The following SCARA5 variants were observed in gnomAD, a reference collection of about 807,000 sequenced individuals.
SCARA5 encodes scavenger receptor class A, member 5 (putative).
Under a neutral mutation model 46.3 loss-of-function variants are expected in SCARA5, and 45 were observed. The ratio of observed to expected loss-of-function variants is 0.97; its 90% confidence interval spans 0.76 to 1.24. SCARA5 has a LOEUF of 1.24. SCARA5 is among the 50% of genes most tolerant of loss of function. SCARA5 has a pLI of 0.00. For missense variants in SCARA5, 680 were observed against 689.0 expected (o/e 0.99, Z 0.15); for synonymous variants, 333 against 306.5 (o/e 1.09, Z -0.90).
rs182379550 is a variant in SCARA5 at position 27,879,552 on chromosome 8, C to T, written c.1351+17G>A. ...GCAGGCCCTCTCCTCATGTTTTTTGCCCTCAGAGCGCCTTACCTTGCCCGA... is the reference window on the plus strand; with the variant it reads ...GCAGGCCCTCTCCTCATGTTTTTTGTCCTCAGAGCGCCTTACCTTGCCCGA... On this transcript the variant is annotated intron_variant, in intron 8 of 8. Coordinates refer to ENST00000354914, the MANE Select transcript of SCARA5 (RefSeq NM_173833.6). 1.3e-4 allele frequency: 211 copies of T among 1,600,310 alleles called. 1 individual carries two copies. In the Admixed American group the frequency reaches 1.6e-3, roughly 12 times the overall value.
chr8:27,908,741 G>A (rs890264449), intron 5 of SCARA5, among the ~76,000 whole-genome samples: 1 of 152,030 alleles, frequency 6.6e-6, no homozygotes, highest in Non-Finnish European at 1.5e-5. Flanking sequence ...ATTCGCTAGG[G>A]CAGAAAATGC....
chr8:27,934,407 C>T (rs1240579077), intron 3 of SCARA5, among the ~76,000 whole-genome samples: 1 of 152,186 alleles, frequency 6.6e-6, no homozygotes, highest in African/African-American at 2.4e-5. Context: ...AAAACCAGAA[C>T]TTATAAAACT....
chr8:27,898,927 C>T (rs895093126), intron 7 of SCARA5, among the ~76,000 whole-genome samples: 2 of 152,218 alleles, frequency 1.3e-5, no homozygotes, highest in East Asian at 3.9e-4. Flanking sequence ...ACCTGGCGGG[C>T]GGCGTGCCCA....
intron 4 of SCARA5, among the ~76,000 whole-genome samples, chr8:27,919,371 C>T (rs979407024): frequency 6.6e-6 from 1 of 151,996 alleles, no homozygotes; most frequent in East Asian, 1.9e-4. Context: ...AGGGCAGTGA[C>T]GAGATGTGCC....
At chr8:27,891,831 G>A (rs1485454491) in intron 7 of SCARA5, among the ~76,000 whole-genome samples, 4 of 152,180 alleles carry the variant, frequency 2.6e-5, no homozygotes, top group Non-Finnish European at 5.9e-5. Context: ...TACACATCGA[G>A]GTGGCATTCA....
At chr8:27,882,950 C>T (rs1806834701) in intron 7 of SCARA5, among the ~76,000 whole-genome samples, 1 of 151,624 alleles carries the variant, frequency 6.6e-6, no homozygotes, top group African/African-American at 2.4e-5. Context: ...AGGCATTTCC[C>T]CAACTGCGAC....
chr8:27,991,682 C>T (rs893001289), intron 1 of SCARA5, among the ~76,000 whole-genome samples: 14 of 152,224 alleles, frequency 9.2e-5, no homozygotes, highest in African/African-American at 3.4e-4. Context: ...GAGTGTGGCC[C>T]TTCTCCAAAG....
intron 8 of SCARA5, among the ~76,000 whole-genome samples, chr8:27,878,537 A>G (rs1040459542): frequency 5.3e-5 from 8 of 152,238 alleles, no homozygotes; most frequent in African/African-American, 1.9e-4. Flanking sequence ...GTAGGAGGTC[A>G]GTGTGCTTCA....
intron 3 of SCARA5, among the ~76,000 whole-genome samples, chr8:27,953,683 C>G (rs766590680): frequency 6.6e-6 from 1 of 152,162 alleles, no homozygotes; most frequent in East Asian, 1.9e-4. Context: ...AGATGCATGG[C>G]GAAGCCCAAA....
chr8:27,928,346 A>G (rs1443369987), intron 3 of SCARA5, among the ~76,000 whole-genome samples: 1 of 152,242 alleles, frequency 6.6e-6, no homozygotes, highest in Non-Finnish European at 1.5e-5. Flanking sequence ...AAAGCAGATC[A>G]TAGAACAGTG....
chr8:27,979,630 T>C (rs546011897), intron 2 of SCARA5, among the ~76,000 whole-genome samples: 2 of 151,780 alleles, frequency 1.3e-5, no homozygotes, highest in East Asian at 3.9e-4. Context: ...CTTGGCTCAC[T>C]GCAACCTCTG....
chr8:27,885,528 C>T (rs1806881337), intron 7 of SCARA5, among the ~76,000 whole-genome samples: 1 of 152,202 alleles, frequency 6.6e-6, no homozygotes, highest in African/African-American at 2.4e-5. Context: ...GGAAGGCATG[C>T]ATGAATGGAG....
At chr8:27,912,930 T>C (rs1807401272) in intron 4 of SCARA5, among the ~76,000 whole-genome samples, 2 of 152,330 alleles carry the variant, frequency 1.3e-5, no homozygotes, top group East Asian at 3.9e-4. Context: ...TGTGCAGTTG[T>C]AGTGAGGACT....
At chr8:27,901,797 G>A (rs1428417327) in intron 7 of SCARA5, among the ~76,000 whole-genome samples, 1 of 152,178 alleles carries the variant, frequency 6.6e-6, no homozygotes, top group Non-Finnish European at 1.5e-5. Flanking sequence ...GGATTACTTG[G>A]GGTTTTAAGG....
At chr8:27,943,661 C>T (rs958252836) in intron 3 of SCARA5, among the ~76,000 whole-genome samples, 8 of 152,144 alleles carry the variant, frequency 5.3e-5, no homozygotes, top group Non-Finnish European at 7.3e-5. Flanking sequence ...AAAAGACGCA[C>T]GTAATCAGAG....
chr8:27,925,622 C>A (rs1807668179), intron 3 of SCARA5, among the ~76,000 whole-genome samples: 1 of 152,102 alleles, frequency 6.6e-6, no homozygotes, highest in Non-Finnish European at 1.5e-5. Flanking sequence ...CAACAAAAGC[C>A]AAAATAGACA....
rs76619270 is a variant in SCARA5, at chr8:27,942,205, G to C, written c.242-19960C>G. ...CATTAGCCAGTGACAGCCAGGCCTC[G>C]AGACTGAGTCTTGCAGCCCCAAGTC... is the stretch of plus-strand genomic sequence containing the variant. On this transcript the variant is annotated intron_variant, in intron 3 of 8. Coordinates refer to ENST00000354914, the MANE Select transcript of SCARA5 (RefSeq NM_173833.6). Among the ~76,000 whole-genome samples, 4 of 152,078 alleles carry C rather than the reference G, an allele frequency of 2.6e-5. No homozygotes were observed. The East Asian group carries it at 7.7e-4, about 29-fold the overall frequency.
chr8:27,906,496 G>A (rs1419104082), intron 6 of SCARA5, among the ~76,000 whole-genome samples: 1 of 152,262 alleles, frequency 6.6e-6, no homozygotes, highest in African/African-American at 2.4e-5. Context: ...GCAGGACTAG[G>A]GAGGAGGGCT....
intron 7 of SCARA5, among the ~76,000 whole-genome samples, chr8:27,900,790 T>G (rs1035516363): frequency 4.0e-4 from 26 of 65,634 alleles, no homozygotes; most frequent in East Asian, 3.0e-3. Flanking sequence ...ACGTAGCGGG[T>G]TTTTTTTTTT....
Sources: gnomAD v4.1 joint callset for allele counts (sites outside exome capture counted in the v4.1 genomes callset) on GRCh38, gnomAD v4.1.1 for gene constraint, MANE v1.5 for transcripts, NCBI Gene and HGNC (gene_info 2026-07-23, HGNC 2026-07-21) for gene names.